Variants in AGBL4 observed in about 807,000 individuals in gnomAD.
The protein encoded by AGBL4 is cytosolic carboxypeptidase 6.
In AGBL4, 58 loss-of-function variants were observed where a neutral mutation model predicts 66.4. The observed-to-expected ratio is 0.87, with a 90% confidence interval of 0.71 to 1.09. The LOEUF (loss-of-function observed/expected upper bound fraction) is 1.09, where lower values mean the gene tolerates loss of function less well. Ranked by LOEUF, AGBL4 falls within the 50% of genes least tolerant of loss-of-function variation. AGBL4 has a pLI of 0.00. For missense variants in AGBL4, 579 were observed against 631.0 expected, an observed-to-expected ratio of 0.92 and a Z score of 0.88; for synonymous variants, 234 against 222.9, an observed-to-expected ratio of 1.05 and a Z score of -0.44.
Position 48,534,251 on chromosome 1 carries a change from G to C in AGBL4, c.1434C>G (p.Gly478=). 1 of 1,551,632 alleles carries C rather than the reference G, an allele frequency of 6.4e-7. No individual in the cohort carries two copies. Among genetic ancestry groups the C allele is most frequent in the Admixed American group, 2.0e-5 (1 of 51,004 alleles). ...TGCTGTTGGGGTAGTTGCTGGCTGG[G>C]CCCCGCAGGAGTGGGTGCTTGTAAG... is the stretch of plus-strand genomic sequence containing the variant. The part of the protein sequence containing the change: ...SPPYKHPLLR[G]PASNYPNSKG... The change falls in exon 14 of 14, where the codon GGC becomes GGG. Residue 478 remains glycine (G), a synonymous_variant. Transcript: ENST00000371839.
intron 4 of AGBL4, among the ~76,000 whole-genome samples, chr1:49,157,087 TA>T (rs1177034023): frequency 3.3e-5 from 5 of 152,318 alleles, no homozygotes; most frequent in Admixed American, 6.5e-5. Context: ...TTTTCATTTT[TA>T]TTTTTTTTTA....
intron 5 of AGBL4, among the ~76,000 whole-genome samples, chr1:48,898,985 C>G (rs1008303589): frequency 1.3e-5 from 2 of 152,228 alleles, no homozygotes; most frequent in Admixed American, 6.5e-5. Flanking sequence ...TGTCTCTCCC[C>G]GACCCCAGAG....
At chr1:49,411,633 A>G (rs534744154) in intron 3 of AGBL4, among the ~76,000 whole-genome samples, 7 of 152,352 alleles carry the variant, frequency 4.6e-5, no homozygotes, top group African/African-American at 1.7e-4. Flanking sequence ...AATATATGGA[A>G]TAAAAATAGT....
intron 2 of AGBL4, among the ~76,000 whole-genome samples, chr1:49,768,490 A>G (rs1206304289): frequency 6.6e-6 from 1 of 152,208 alleles, no homozygotes; most frequent in African/African-American, 2.4e-5. Context: ...TTATGTTAAA[A>G]ATACTCAACA....
chr1:49,526,525 A>G (rs1270194859), intron 3 of AGBL4, among the ~76,000 whole-genome samples: 1 of 152,162 alleles, frequency 6.6e-6, no homozygotes, highest in Non-Finnish European at 1.5e-5. Context: ...CTTACTGACT[A>G]AGGAATCTCC....
chr1:49,501,393 A>T (rs967820161), intron 3 of AGBL4, among the ~76,000 whole-genome samples: 1 of 152,112 alleles, frequency 6.6e-6, no homozygotes, highest in Non-Finnish European at 1.5e-5. Flanking sequence ...TGTTCTGTCC[A>T]TCCAAGTTGG....
At chr1:49,966,250 T>C (rs1490013296) in intron 1 of AGBL4, among the ~76,000 whole-genome samples, 1 of 152,132 alleles carries the variant, frequency 6.6e-6, no homozygotes, top group Non-Finnish European at 1.5e-5. Flanking sequence ...CCTACAATGA[T>C]TATTAATAGT....
intron 9 of AGBL4, among the ~76,000 whole-genome samples, chr1:48,604,131 T>TCAAAA (rs56655236): frequency 0.13 from 20,157 of 150,378 alleles, 1,448 homozygotes; most frequent in African/African-American, 0.19. Context: ...AGACTTCATC[T>TCAAAA]CAAAACAAAA....
chr1:49,165,412 A>T (rs1569898271), intron 4 of AGBL4, among the ~76,000 whole-genome samples: 1 of 152,272 alleles, frequency 6.6e-6, no homozygotes, highest in East Asian at 1.9e-4. Context: ...GTTAAGAGAA[A>T]GACTGGGCTT....
intron 6 of AGBL4, among the ~76,000 whole-genome samples, chr1:48,863,097 TAA>T (rs1250548734): frequency 7.9e-5 from 12 of 152,328 alleles, no homozygotes; most frequent in Admixed American, 1.3e-4. Flanking sequence ...CCAAAAAGTT[TAA>T]CTTAGTCTAA....
At chr1:49,639,804 T>A (rs1645746569) in intron 3 of AGBL4, among the ~76,000 whole-genome samples, 1 of 152,106 alleles carries the variant, frequency 6.6e-6, no homozygotes. Flanking sequence ...TTTTGCCGGA[T>A]GAAATCAAGA....
At chr1:48,642,860 G>A (rs1354702581) in intron 8 of AGBL4, among the ~76,000 whole-genome samples, 1 of 152,160 alleles carries the variant, frequency 6.6e-6, no homozygotes, top group Non-Finnish European at 1.5e-5. Context: ...TGCTGGCAAG[G>A]CTCTCACCTA....
At chr1:49,609,684 A>G (rs566829377) in intron 3 of AGBL4, among the ~76,000 whole-genome samples, 36 of 152,266 alleles carry the variant, frequency 2.4e-4, no homozygotes, top group Non-Finnish European at 4.1e-4. Context: ...GTCGACATAC[A>G]TATTATTTCA....
chr1:48,546,276 C>T (rs1454998878), intron 11 of AGBL4, among the ~76,000 whole-genome samples: 3 of 152,156 alleles, frequency 2.0e-5, no homozygotes, highest in Non-Finnish European at 2.9e-5. Flanking sequence ...AGGTAGCATA[C>T]GAACTTCAGT....
chr1:49,622,921 A>C lies in AGBL4; in HGVS notation c.282+74392T>G, dbSNP rs557747157. Among the ~76,000 whole-genome samples the C allele has an allele frequency of 2.6e-5, 4 of 151,928 alleles. No individual in the cohort carries two copies. In the South Asian group the frequency reaches 6.3e-4, roughly 24 times the overall value. ...ATGCTCCTGATCCAGTTCAAATGCAACCCCCTTGGTGATATCTTTTCAGAT... is the reference window on the plus strand; with the variant it reads ...ATGCTCCTGATCCAGTTCAAATGCACCCCCCTTGGTGATATCTTTTCAGAT... On this transcript the variant is annotated intron_variant, in intron 3 of 13. Coordinates refer to ENST00000371839, the MANE Select transcript of AGBL4 (RefSeq NM_032785.4).
chr1:49,102,142 T>C (rs1479604340), intron 4 of AGBL4, among the ~76,000 whole-genome samples: 2 of 152,120 alleles, frequency 1.3e-5, no homozygotes, highest in East Asian at 1.9e-4. Context: ...ATTGGTCTCC[T>C]ATCTGAGGAA....
At chr1:49,987,303 A>C (rs1262624997) in intron 1 of AGBL4, among the ~76,000 whole-genome samples, 1 of 152,084 alleles carries the variant, frequency 6.6e-6, no homozygotes, top group Non-Finnish European at 1.5e-5. Context: ...CCTTCTAGCC[A>C]AAGAGCTTTG....
At chr1:49,489,166 C>T (rs183657041) in intron 3 of AGBL4, among the ~76,000 whole-genome samples, 111 of 151,826 alleles carry the variant, frequency 7.3e-4, no homozygotes, top group African/African-American at 2.6e-3. Context: ...ATGAGGGCTC[C>T]CCCTTCTCCA....
chr1:49,356,103 TA>T (rs1644014704), intron 3 of AGBL4, among the ~76,000 whole-genome samples: 2 of 152,108 alleles, frequency 1.3e-5, no homozygotes, highest in Admixed American at 1.3e-4. Flanking sequence ...AAAGAGAACA[TA>T]AAAACAGACA....
Sources: allele counts gnomAD v4.1 joint callset (sites outside exome capture counted in the v4.1 genomes callset), GRCh38; gene constraint gnomAD v4.1.1; transcripts MANE v1.5; gene names NCBI Gene and HGNC (gene_info 2026-07-23, HGNC 2026-07-21).